ACSL6: variants seen among roughly 807,000 people sequenced by gnomAD.
The protein encoded by ACSL6 is acyl-CoA synthetase long chain family member 6.
ACSL6 carries 47 observed loss-of-function variants against 98.2 expected under a neutral mutation model. The observed-to-expected ratio is 0.48, with a 90% CI of 0.38 to 0.61. ACSL6 has a LOEUF of 0.61. ACSL6 is among the 20% of genes least tolerant of loss of function. ACSL6 has a pLI of 0.00. For synonymous variants in ACSL6, 362 were observed against 336.9 expected, an observed-to-expected ratio of 1.07 and a Z score of -0.82; for missense variants, 761 against 913.4, an observed-to-expected ratio of 0.83 and a Z score of 2.15.
chr5:131,953,501 G>A lies in ACSL6; in HGVS notation c.*733C>T. 1 of 190,222 alleles carries A rather than the reference G, an allele frequency of 5.3e-6. No individual in the cohort carries two copies. The highest frequency in any genetic ancestry group is 6.2e-5 in the Admixed American group (1 of 16,260). The allele number at this position is 190,222 out of a possible 1,614,324, so 11.8% of individuals were successfully genotyped here. On this transcript the variant is annotated 3_prime_UTR_variant, in exon 21 of 21. Transcript: ENST00000651883. ...CTGTACTGTAGTCTCAGCTACTTGG[G>A]AGGTGAGACAGGAGGATCACTCGAG... is the stretch of plus-strand genomic sequence containing the variant.
At position 131,966,551 on chromosome 5, in the gene ACSL6, G is replaced by A. The variant is rs758621524; in HGVS notation, c.1597-19C>T. On this transcript the variant is annotated intron_variant, in intron 16 of 20. Coordinates refer to ENST00000651883, the MANE Select transcript of ACSL6 (RefSeq NM_001009185.3). ...CACATATCTATGGGACAAAAACCAT[G>A]GCTTCTCTCAGCCACATCATGAGGA... 2 of 1,606,348 alleles carry A rather than the reference G, an allele frequency of 1.2e-6. No individual in the cohort carries two copies. Among genetic ancestry groups the A allele is most frequent in the Non-Finnish European group, 1.7e-6 (2 of 1,173,012 alleles).
At position 131,962,972 on chromosome 5, in the gene ACSL6, G is replaced by A. The variant is rs1222146489; in HGVS notation, c.1714-294C>T. ...ACTGCCACCCTCATGCCTAGCAGCA[G>A]GTATCCTCACCTCCTCCTTCTTGGA... On this transcript the variant is annotated intron_variant, in intron 17 of 20. Transcript: ENST00000651883. Among the ~76,000 whole-genome samples, 5 of 152,124 alleles carry A rather than the reference G, an allele frequency of 3.3e-5. No homozygotes were observed. The East Asian group carries it at 7.8e-4, about 24-fold the overall frequency.
chr5:131,975,108 CAG>C, intron 10 of ACSL6, 138 bp from the exon 11 acceptor site: 8 of 1,409,476 alleles, frequency 5.7e-6, no homozygotes, highest in Non-Finnish European at 5.6e-6. Flanking sequence ...GTGGTGAGGA[CAG>C]AGAGAGAGGT....
At position 131,988,670 on chromosome 5, in the gene ACSL6, C is replaced by G. The variant is rs1754332104; in HGVS notation, c.652+135G>C. 6 of 1,589,550 alleles carry G rather than the reference C, an allele frequency of 3.8e-6. No individual in the cohort carries two copies. In the South Asian group the frequency reaches 6.6e-5, roughly 18 times the overall value. On this transcript the variant is annotated intron_variant, in intron 6 of 20. Transcript: ENST00000651883. ...ACTCAGGAAGCCAACTCAGGAGCCACAGTGTAAGCCCCTAGTATTTTCTGA... is the reference window on the plus strand; with the variant it reads ...ACTCAGGAAGCCAACTCAGGAGCCAGAGTGTAAGCCCCTAGTATTTTCTGA...
At chr5:131,963,246 GC>G (rs1451960829) in intron 17 of ACSL6, among the ~76,000 whole-genome samples, 1 of 152,176 alleles carries the variant, frequency 6.6e-6, no homozygotes, top group African/African-American at 2.4e-5. Flanking sequence ...GACTTCTGCA[GC>G]AGGCAGATCA....
intron 1 of ACSL6, among the ~76,000 whole-genome samples, chr5:131,999,862 C>T (rs2126939911): frequency 6.6e-6 from 1 of 152,318 alleles, no homozygotes. Context: ...TTCCCCTCAC[C>T]CCACCCTGTT....
At chr5:131,990,217 C>T in intron 3 of ACSL6, 53 bp from the exon 4 acceptor site, 1 of 1,578,450 alleles carries the variant, frequency 6.3e-7, no homozygotes, top group Non-Finnish European at 8.7e-7. Context: ...GTGGGTGTGC[C>T]ACCTGCATCC....
At chr5:131,979,825 G>C (rs1281276758) in intron 9 of ACSL6, among the ~76,000 whole-genome samples, 1 of 152,202 alleles carries the variant, frequency 6.6e-6, no homozygotes, top group East Asian at 1.9e-4. Context: ...TGTCTCAGCG[G>C]TATGAGACCC....
intron 9 of ACSL6, chr5:131,985,167 C>T (rs901140027): frequency 5.5e-6 from 3 of 546,346 alleles, no homozygotes; most frequent in African/African-American, 3.8e-5. Context: ...TCTGCTGACT[C>T]AGCTCTGGGA....
rs753353315 is a variant in ACSL6, at chr5:131,990,080, GC to G, written c.450+19del. 6.2e-7 allele frequency: 1 copy of G among 1,612,344 alleles called. No homozygotes were observed. Among genetic ancestry groups the G allele is most frequent in the Non-Finnish European group, 8.5e-7 (1 of 1,179,562 alleles). On this transcript the variant is annotated intron_variant, in intron 4 of 20. Transcript: ENST00000651883. ...GATCTGAATGGGTGGCCAGGGTGGGGCCTGTCCTGTATCACTCACCTCCTGG... is the reference window on the plus strand; with the variant it reads ...GATCTGAATGGGTGGCCAGGGTGGGGCTGTCCTGTATCACTCACCTCCTGG...
At position 131,988,057 on chromosome 5, in the gene ACSL6, C is replaced by T; in HGVS notation, c.822G>A (p.Gln274=). 1 of 1,614,010 alleles carries T rather than the reference C, an allele frequency of 6.2e-7. No homozygotes were observed. The highest frequency in any genetic ancestry group is 1.7e-4 in the Middle Eastern group (1 of 6,060). Residue 274 remains glutamine, a synonymous_variant, in exon 7 of 21, where the codon CAG becomes CAA. Coordinates refer to ENST00000651883, the MANE Select transcript of ACSL6 (RefSeq NM_001009185.3). ...AGAAGCAGACCCTCACCTCCACGGC[C>T]TGCATGGACTTAATGACCACCCCGC... ...QKCGVVIKSM[Q]AVEDCGQENH...
chr5:131,991,915 T>C (rs1451071426), intron 2 of ACSL6, among the ~76,000 whole-genome samples: 1 of 152,154 alleles, frequency 6.6e-6, no homozygotes, highest in East Asian at 1.9e-4. Context: ...GATTGGCCAG[T>C]GCTTTCAAGG....
intron 1 of ACSL6, among the ~76,000 whole-genome samples, chr5:132,010,623 A>G (rs1475096210): frequency 6.6e-6 from 1 of 152,226 alleles, no homozygotes; most frequent in Non-Finnish European, 1.5e-5. Context: ...GGCCTAGGAC[A>G]GGTTTAAGGC....
In ACSL6 at chr5:131,978,689, A is replaced by G. The variant is rs561730764; in HGVS notation, c.917-1968T>C. Among the ~76,000 whole-genome samples, 22 of 152,372 alleles carry G rather than the reference A, an allele frequency of 1.4e-4. No individual in the cohort carries two copies. In the South Asian group the frequency reaches 3.3e-3, roughly 23 times the overall value. ...ACTGAGAGTGACCAGAAAAGGCACA[A>G]GATGCCTGAGTTTTTGCCCAGGAGC... On this transcript the variant is annotated intron_variant, in intron 9 of 20. Transcript: ENST00000651883.
At position 131,988,081 on chromosome 5, in the gene ACSL6, G is replaced by A. The variant is rs765163105; in HGVS notation, c.798C>T (p.Cys266=). 12 of 1,613,978 alleles carry A rather than the reference G, an allele frequency of 7.4e-6. No homozygotes were observed. The highest frequency in any genetic ancestry group is 2.2e-5 in the East Asian group (1 of 44,884). ...EEALKERGQK[C]GVVIKSMQAV... The stretch of plus-strand genomic sequence containing the variant: ...CCTGCATGGACTTAATGACCACCCC[G>A]CACTTCTGCCCTCTCTCTTTCAGGG... The change falls in exon 7 of 21, where the codon TGC becomes TGT. Residue 266 remains cysteine (C), a synonymous_variant. Transcript: ENST00000651883.
chr5:131,952,295 G>A lies in ACSL6; in HGVS notation c.*1939C>T, dbSNP rs1164764180. ...TGTCAAATTTAGAAGTGCAACAGTG[G>A]GTCTTCAGAGAGAATATGCCCAAGA... On this transcript the variant is annotated 3_prime_UTR_variant, in exon 21 of 21. Coordinates refer to ENST00000651883, the MANE Select transcript of ACSL6 (RefSeq NM_001009185.3). 2.5e-5 allele frequency: 5 copies of A among 200,584 alleles called. No homozygotes were observed. In the South Asian group the frequency reaches 9.5e-4, roughly 38 times the overall value. The allele number at this position is 200,584 out of a possible 1,614,324, so 12.4% of individuals were successfully genotyped here.
chr5:131,959,470 A>G, intron 20 of ACSL6, 66 bp downstream of exon 20: 3 of 1,535,098 alleles, frequency 2.0e-6, no homozygotes, highest in Non-Finnish European at 2.7e-6. Flanking sequence ...CAGGGTCACC[A>G]TGGGTTAATT....
chr5:131,962,507 T>C, intron 18 of ACSL6, 28 bp downstream of exon 18: 1 of 1,593,594 alleles, frequency 6.3e-7, no homozygotes, highest in South Asian at 1.1e-5. Flanking sequence ...CCAGGATATG[T>C]GGGAGGGCTG....
intron 20 of ACSL6, among the ~76,000 whole-genome samples, chr5:131,957,500 T>A (rs1018753893): frequency 1.3e-5 from 2 of 152,380 alleles, no homozygotes; most frequent in Middle Eastern, 3.4e-3. Flanking sequence ...GGCCTAGTTC[T>A]AGGAATTGTC....
Sources: allele counts gnomAD v4.1 joint callset (sites outside exome capture counted in the v4.1 genomes callset), GRCh38; gene constraint gnomAD v4.1.1; transcripts MANE v1.5; gene names NCBI Gene and HGNC (gene_info 2026-07-23, HGNC 2026-07-21).